The following PLD1 variants were observed in gnomAD, a reference collection of about 807,000 sequenced individuals.
The protein encoded by PLD1 is phospholipase D1, also known as choline phosphatase 1.
A neutral mutation model predicts 137.1 loss-of-function variants in PLD1; 112 were observed. The observed-to-expected ratio is 0.82, with a 90% CI of 0.70 to 0.96. PLD1 has a LOEUF of 0.96. Among genes scored for constraint, PLD1 ranks in the 40% least tolerant of loss-of-function variants. PLD1 has a pLI of 0.00. For synonymous variants in PLD1, 431 were observed against 454.7 expected (o/e 0.95, Z 0.66); for missense variants, 1,321 against 1,342.0 (o/e 0.98, Z 0.24).
chr3:171,771,829 A>T (rs1722368068), intron 1 of PLD1, among the ~76,000 whole-genome samples: 1 of 152,220 alleles, frequency 6.6e-6, no homozygotes, highest in Admixed American at 6.5e-5. Flanking sequence ...ACCTCATCAA[A>T]TCCAACGATT....
At chr3:171,634,067 C>T (rs1172356799) in intron 23 of PLD1, among the ~76,000 whole-genome samples, 1 of 152,162 alleles carries the variant, frequency 6.6e-6, no homozygotes, top group Non-Finnish European at 1.5e-5. Context: ...ACAAAGCCAA[C>T]AATACAACCT....
In PLD1 at chr3:171,708,960, T is replaced by C. The variant is rs1030096224; in HGVS notation, c.1062-122A>G. 13 of 622,018 alleles carry C rather than the reference T, an allele frequency of 2.1e-5. No homozygotes were observed. The Admixed American group carries it at 2.8e-4, about 14-fold the overall frequency. 38.5% of individuals were successfully genotyped at this position (622,018 alleles called of 1,614,324 possible). ...GTCTCCACATAACACATAACCACCA[T>C]TGACTTTGTGGACCTGGAAAACAAG... is the stretch of plus-strand genomic sequence containing the variant. On this transcript the variant is annotated intron_variant, in intron 10 of 26. Transcript: ENST00000351298.
chr3:171,769,469 G>A (rs73043896), intron 1 of PLD1, among the ~76,000 whole-genome samples: 5,608 of 152,208 alleles, frequency 0.037, 239 homozygotes, highest in African/African-American at 0.1. Context: ...GCATATATGC[G>A]TAGTAATAGC....
chr3:171,626,397 G>A (rs1230167960), intron 23 of PLD1, among the ~76,000 whole-genome samples: 1 of 152,216 alleles, frequency 6.6e-6, no homozygotes, highest in Non-Finnish European at 1.5e-5. Flanking sequence ...GAAAGTGACA[G>A]GGAGAATGGA....
At chr3:171,771,480 A>G (rs879783088) in intron 1 of PLD1, 1 of 152,252 alleles carries the variant, frequency 6.6e-6, no homozygotes, top group Non-Finnish European at 1.5e-5. Flanking sequence ...GCTGTGAGAA[A>G]TAAAACCCAC....
At chr3:171,693,680 G>A (rs570962643) in intron 12 of PLD1, among the ~76,000 whole-genome samples, 18 of 152,130 alleles carry the variant, frequency 1.2e-4, no homozygotes, top group Non-Finnish European at 2.5e-4. Context: ...ACTGGATTAT[G>A]TATCTAAATG....
chr3:171,676,296 T>C (rs960428833), intron 18 of PLD1, among the ~76,000 whole-genome samples: 1 of 152,080 alleles, frequency 6.6e-6, no homozygotes, highest in Non-Finnish European at 1.5e-5. Context: ...CCTGTACCAA[T>C]ATAAACCCAG....
chr3:171,722,009 T>C (rs1363068057), intron 8 of PLD1, among the ~76,000 whole-genome samples: 2 of 152,176 alleles, frequency 1.3e-5, no homozygotes, highest in African/African-American at 4.8e-5. Flanking sequence ...CATAGCTCAA[T>C]TCCACATTTA....
chr3:171,762,154 A>G (rs769945884), intron 1 of PLD1, among the ~76,000 whole-genome samples: 3 of 152,222 alleles, frequency 2.0e-5, no homozygotes, highest in Non-Finnish European at 2.9e-5. Flanking sequence ...TCAGGATATT[A>G]GCAGACACCA....
chr3:171,751,392 G>T (rs1720646745), intron 1 of PLD1, among the ~76,000 whole-genome samples: 1 of 152,046 alleles, frequency 6.6e-6, no homozygotes, highest in Non-Finnish European at 1.5e-5. Context: ...CACAAAATTT[G>T]TAAGAACACC....
chr3:171,669,900 A>G (rs571187925), intron 19 of PLD1, among the ~76,000 whole-genome samples: 2 of 152,382 alleles, frequency 1.3e-5, no homozygotes, highest in Non-Finnish European at 2.9e-5. Context: ...TACACAGCTC[A>G]TATGTCACAG....
chr3:171,766,651 T>C (rs1262303356), intron 1 of PLD1, among the ~76,000 whole-genome samples: 1 of 152,216 alleles, frequency 6.6e-6, no homozygotes, highest in African/African-American at 2.4e-5. Flanking sequence ...CAACTTTTCA[T>C]GGTAATAAAT....
intron 19 of PLD1, among the ~76,000 whole-genome samples, chr3:171,663,506 A>G (rs1711742925): frequency 6.6e-6 from 1 of 152,224 alleles, no homozygotes; most frequent in Non-Finnish European, 1.5e-5. Context: ...GTATCTATTA[A>G]GTGGTTATAA....
chr3:171,678,723 C>A (rs1228959180), intron 16 of PLD1, among the ~76,000 whole-genome samples: 1 of 152,206 alleles, frequency 6.6e-6, no homozygotes, highest in Non-Finnish European at 1.5e-5. Flanking sequence ...GGTTCACATA[C>A]TGCCTATAGG....
intron 23 of PLD1, among the ~76,000 whole-genome samples, chr3:171,635,007 A>C (rs1334441395): frequency 6.6e-6 from 1 of 152,152 alleles, no homozygotes; most frequent in Non-Finnish European, 1.5e-5. Context: ...ACATTTTATA[A>C]AAATGAAACC....
Position 171,730,455 on chromosome 3 carries a change from T to C in PLD1, c.606+2989A>G, listed in dbSNP as rs966983371. Among the ~76,000 whole-genome samples, 5 of 151,398 alleles carry C rather than the reference T, an allele frequency of 3.3e-5. 1 individual carries two copies. The highest frequency in any genetic ancestry group is 2.6e-4 in the Admixed American group (4 of 15,208). On this transcript the variant is annotated intron_variant, in intron 6 of 26. Transcript: ENST00000351298. ...AAAAGAATTAAAAGCAGAGGAAGTC[T>C]TCATAATCATGGGAGAGAAGGTCTG... is the stretch of plus-strand genomic sequence containing the variant.
chr3:171,736,905 C>T (rs1201129974), intron 3 of PLD1, among the ~76,000 whole-genome samples: 1 of 152,228 alleles, frequency 6.6e-6, no homozygotes, highest in African/African-American at 2.4e-5. Context: ...CAATCCATTT[C>T]AAAGGGCATA....
At chr3:171,711,839 A>AG (rs1717264022) in intron 9 of PLD1, among the ~76,000 whole-genome samples, 1 of 151,880 alleles carries the variant, frequency 6.6e-6, no homozygotes, top group African/African-American at 2.4e-5. Flanking sequence ...AAAAAAAAAA[A>AG]AAATTCAGAG....
At chr3:171,745,426 C>T (rs1417462036) in intron 1 of PLD1, among the ~76,000 whole-genome samples, 1 of 152,172 alleles carries the variant, frequency 6.6e-6, no homozygotes, top group Non-Finnish European at 1.5e-5. Context: ...CTGGCCTCTG[C>T]TCAGTAAAGA....
Sources: gnomAD v4.1 joint callset for allele counts (sites outside exome capture counted in the v4.1 genomes callset) on GRCh38, gnomAD v4.1.1 for gene constraint, MANE v1.5 for transcripts, NCBI Gene and HGNC (gene_info 2026-07-23, HGNC 2026-07-21) for gene names.